Variants in HDLBP observed in about 807,000 individuals in gnomAD.
The protein encoded by HDLBP is vigilin.
HDLBP carries 30 observed loss-of-function variants against 137.3 expected under a neutral mutation model. That is an observed-to-expected ratio of 0.22 (90% CI 0.16 to 0.30). HDLBP has a LOEUF of 0.30. HDLBP is among the 10% of genes least tolerant of loss of function. HDLBP has a pLI of 1.00. For synonymous variants in HDLBP, 606 were observed against 596.0 expected, an observed-to-expected ratio of 1.02 and a Z score of -0.24; for missense variants, 1,119 against 1,667.3, an observed-to-expected ratio of 0.67 and a Z score of 5.73.
In HDLBP at chr2:241,229,484, A is replaced by C; in HGVS notation, c.*117T>G. The C allele has an allele frequency of 4.1e-6, 3 of 739,046 alleles. No homozygotes were observed. The allele number at this position is 739,046 out of a possible 1,614,324, so 45.8% of individuals were successfully genotyped here. A position where few individuals can be genotyped will look rare whatever the true frequency, so the allele number is the denominator to read the frequency against. On this transcript the variant is annotated 3_prime_UTR_variant, in exon 28 of 28. Transcript: ENST00000310931. ...CTAGGCTCCCTGCGGGACCTCGGGA[A>C]GGGGGAAGAGCGTCAACAATTTACG... is the stretch of plus-strand genomic sequence containing the variant.
At chr2:241,292,295 C>G (rs979153702) in intron 1 of HDLBP, among the ~76,000 whole-genome samples, 1 of 151,308 alleles carries the variant, frequency 6.6e-6, no homozygotes, top group Admixed American at 6.6e-5. Context: ...ACACAGTCAA[C>G]CAAATCCCAA....
Position 241,256,387 on chromosome 2 carries a change from C to T in HDLBP, c.670G>A (p.Val224Met), listed in dbSNP as rs200585028. The change falls in exon 7 of 28, where the codon GTG becomes ATG. Residue 224 changes from valine to methionine, a missense_variant. Around this residue, in one of 4 missense-constraint regions of HDLBP, gnomAD observed 425 missense variants for 693.9 expected, o/e 0.61. Transcript: ENST00000310931. The stretch of plus-strand genomic sequence containing the variant: ...GCCTTTTCTACTTCTAGCCTCTCCA[C>T]AGCACGTTTGTCCTGGAAAGGAAGG... ...LISAEQDKRAVERLEVEKAFH... is the reference protein window; with the variant it reads ...LISAEQDKRAMERLEVEKAFH... 1 of 1,608,162 alleles carries T rather than the reference C, an allele frequency of 6.2e-7. No homozygotes were observed. The highest frequency in any genetic ancestry group is 1.3e-5 in the African/African-American group (1 of 74,994).
Position 241,227,321 on chromosome 2 carries a change from A to G in HDLBP, c.*2280T>C, listed in dbSNP as rs1302291601. The G allele has an allele frequency of 1.3e-5, 2 of 152,544 alleles. No individual in the cohort carries two copies. The highest frequency in any genetic ancestry group is 4.8e-5 in the African/African-American group (2 of 41,462). The allele number at this position is 152,544 out of a possible 1,614,324, so 9.4% of individuals were successfully genotyped here. A position where few individuals can be genotyped will look rare whatever the true frequency, so the allele number is the denominator to read the frequency against. ...TTTCGGGTTTTATTTTAGAATTTATAAAATTCCAGTGTCATCCATATTCAT... is the reference window on the plus strand; with the variant it reads ...TTTCGGGTTTTATTTTAGAATTTATGAAATTCCAGTGTCATCCATATTCAT... On this transcript the variant is annotated 3_prime_UTR_variant, in exon 28 of 28. Transcript: ENST00000310931.
rs780186842 is a variant in HDLBP, at chr2:241,230,840, G to T, written c.3393C>A (p.Asp1131Glu). The T allele has an allele frequency of 6.2e-6, 10 of 1,614,062 alleles. No homozygotes were observed. In the Admixed American group the frequency reaches 1.5e-4, roughly 24 times the overall value. ...CGTGAACGCGGTGGTCCAGCGGGACGTCCTCAGAAACCATCTGCTCAAGTT... is the reference window on the plus strand; with the variant it reads ...CGTGAACGCGGTGGTCCAGCGGGACTTCCTCAGAAACCATCTGCTCAAGTT... ...VGELEQMVSE[D>E]VPLDHRVHAR... The change falls in exon 25 of 28, where the codon GAC becomes GAA. Residue 1131 changes from aspartate (D) to glutamate (E), a missense_variant. Physicochemically the swap from Asp to Glu is conservative, Grantham distance 45. Coordinates refer to ENST00000310931, the MANE Select transcript of HDLBP (RefSeq NM_005336.6). This position sits in a 1 kb window ranked among gnomAD's most constrained non-coding sequence, Gnocchi z 5.0.
intron 21 of HDLBP, 115 bp from the exon 22 acceptor site, chr2:241,235,709 G>C (rs1273614466): frequency 1.5e-6 from 1 of 678,108 alleles, no homozygotes. Flanking sequence ...CAACAGCAAT[G>C]TGCCCCACCC....
intron 5 of HDLBP, among the ~76,000 whole-genome samples, chr2:241,258,386 T>C (rs1171385707): frequency 5.2e-5 from 7 of 135,632 alleles, no homozygotes; most frequent in Non-Finnish European, 9.2e-5. Flanking sequence ...TAGCTGGCCA[T>C]GGTGACGTGT....
chr2:241,283,964 C>T (rs2074709577), intron 1 of HDLBP, among the ~76,000 whole-genome samples: 1 of 151,636 alleles, frequency 6.6e-6, no homozygotes, highest in African/African-American at 2.4e-5. Flanking sequence ...GCCTGGATGA[C>T]AGCACATCTG....
intron 1 of HDLBP, chr2:241,280,147 G>T: frequency 1.0e-6 from 1 of 981,888 alleles, no homozygotes; most frequent in Non-Finnish European, 1.2e-6. Context: ...TACTGAGTGT[G>T]GTGGTCAAAG....
At position 241,301,946 on chromosome 2, in the gene HDLBP, G is replaced by A. The variant is rs567811772; in HGVS notation, c.-103+13624C>T. Among the ~76,000 whole-genome samples the A allele has an allele frequency of 3.3e-5, 5 of 152,100 alleles. No individual in the cohort carries two copies. The East Asian group carries it at 7.7e-4, about 23-fold the overall frequency. ...AATTTCAAAAATGGTAAAAGAGGCC[G>A]AGGGCCAGGCACAGTGGCTCACACC... On this transcript the variant is annotated intron_variant, in intron 1 of 27. Coordinates refer to ENST00000310931, the MANE Select transcript of HDLBP (RefSeq NM_005336.6).
At chr2:241,256,029 C>G (rs2072587850) in intron 7 of HDLBP, among the ~76,000 whole-genome samples, 155 bp downstream of exon 7, 1 of 152,186 alleles carries the variant, frequency 6.6e-6, no homozygotes, top group African/African-American at 2.4e-5. Flanking sequence ...GGGGCGGGCA[C>G]CGATCTCACC....
At chr2:241,241,305 C>T (rs1170987462) in intron 17 of HDLBP, among the ~76,000 whole-genome samples, 2 of 152,040 alleles carry the variant, frequency 1.3e-5, no homozygotes, top group Non-Finnish European at 2.9e-5. Flanking sequence ...CAGTGGCTCA[C>T]GCCTGTAATC....
At chr2:241,275,574 T>G (rs1489168382) in intron 1 of HDLBP, among the ~76,000 whole-genome samples, 3 of 152,084 alleles carry the variant, frequency 2.0e-5, no homozygotes, top group African/African-American at 7.2e-5. Flanking sequence ...TCTTCCCTCA[T>G]CCCAAAAAAG....
intron 1 of HDLBP, among the ~76,000 whole-genome samples, chr2:241,305,183 G>A (rs552171675): frequency 1.5e-4 from 23 of 152,308 alleles, no homozygotes; most frequent in African/African-American, 5.3e-4. Flanking sequence ...GAGTGCAGTG[G>A]CGCGATCTTG....
chr2:241,236,350 C>A, intron 21 of HDLBP: 1 of 513,258 alleles, frequency 1.9e-6, no homozygotes, highest in East Asian at 3.4e-5. Context: ...CCCCCGCACC[C>A]ACCGTGGGCC....
At chr2:241,247,462 C>T (rs1040567648) in intron 14 of HDLBP, 3 of 354,912 alleles carry the variant, frequency 8.5e-6, no homozygotes, top group Non-Finnish European at 1.1e-5. Context: ...GGCAATTCTG[C>T]ACTCACGGCA....
chr2:241,251,370 C>T (rs999931379), intron 11 of HDLBP, among the ~76,000 whole-genome samples: 1 of 152,214 alleles, frequency 6.6e-6, no homozygotes. Flanking sequence ...TACAGACTCT[C>T]GTCGCTGTCA....
In HDLBP at chr2:241,239,153, T is replaced by A. The variant is rs1410566822; in HGVS notation, c.2611-366A>T. Among the ~76,000 whole-genome samples the A allele has an allele frequency of 6.6e-6, 1 of 152,084 alleles. No homozygotes were observed. Among genetic ancestry groups the A allele is most frequent in the East Asian group, 1.9e-4 (1 of 5,186 alleles). On this transcript the variant is annotated intron_variant, in intron 19 of 27. Transcript: ENST00000310931. The surrounding 1 kb of genome is among the most constrained non-coding windows in gnomAD (Gnocchi z 4.6). Reference sequence around the variant, plus strand: ...CAGGGGAGTGGCCTGGAGGGGACACTCTCTAAAGACTGCTTCTAAAGACCA... The same window carrying A: ...CAGGGGAGTGGCCTGGAGGGGACACACTCTAAAGACTGCTTCTAAAGACCA...
intron 21 of HDLBP, 141 bp from the exon 22 acceptor site, chr2:241,235,735 A>G: frequency 3.3e-6 from 2 of 614,500 alleles, no homozygotes; most frequent in Non-Finnish European, 5.9e-6. Flanking sequence ...TGCCACCAGG[A>G]CCTTTAACTC....
intron 1 of HDLBP, among the ~76,000 whole-genome samples, chr2:241,270,276 C>T (rs1346829474): frequency 6.6e-6 from 1 of 152,180 alleles, no homozygotes; most frequent in South Asian, 2.1e-4. Context: ...CAGGCGTGCA[C>T]AGACCCTCAG....
Sources: allele counts gnomAD v4.1 joint callset (sites outside exome capture counted in the v4.1 genomes callset), GRCh38; gene constraint gnomAD v4.1.1; regional missense constraint gnomAD v4.1.1; non-coding constraint Gnocchi (gnomAD v3.1); transcripts MANE v1.5; gene names NCBI Gene and HGNC (gene_info 2026-07-23, HGNC 2026-07-21).